DIXDC1: variants seen among roughly 807,000 people sequenced by gnomAD.
The protein encoded by DIXDC1 is DIX domain containing 1.
Under a neutral mutation model 103.1 loss-of-function variants are expected in DIXDC1, and 64 were observed. The observed-to-expected ratio is 0.62, with a 90% CI of 0.51 to 0.76. The LOEUF (loss-of-function observed/expected upper bound fraction) is 0.76, where lower values mean the gene tolerates loss of function less well. Among genes scored for constraint, DIXDC1 ranks in the 30% least tolerant of loss-of-function variants. DIXDC1 has a pLI of 0.00. For synonymous variants in DIXDC1, 266 were observed against 298.5 expected, an observed-to-expected ratio of 0.89 and a Z score of 1.12; for missense variants, 759 against 834.2, an observed-to-expected ratio of 0.91 and a Z score of 1.11.
chr11:111,946,804 G>C, intron 1 of DIXDC1: 1 of 470,194 alleles, frequency 2.1e-6, no homozygotes, highest in South Asian at 1.6e-5. Flanking sequence ...AAGGTAAACA[G>C]TTCTGTGAAC....
chr11:111,937,426 T>A lies in DIXDC1; in HGVS notation c.-74T>A, dbSNP rs1042585941. On this transcript the variant is annotated 5_prime_UTR_variant, in exon 1 of 20. Transcript: ENST00000440460. Reference sequence around the variant, plus strand: ...ATGAGCTGAGCCGAGAGCCTTTGTGTGCAGAGGGAGGAGGAGGAGGCGGCG... The same window carrying A: ...ATGAGCTGAGCCGAGAGCCTTTGTGAGCAGAGGGAGGAGGAGGAGGCGGCG... 18 of 1,540,696 alleles carry A rather than the reference T, an allele frequency of 1.2e-5. No homozygotes were observed. Among genetic ancestry groups the A allele is most frequent in the Non-Finnish European group, 1.4e-5 (16 of 1,142,974 alleles).
Position 111,977,760 on chromosome 11 carries a change from A to T in DIXDC1, c.656+2777A>T. The T allele has an allele frequency of 4.5e-6, 7 of 1,565,984 alleles. No homozygotes were observed. The highest frequency in any genetic ancestry group is 6.1e-6 in the Non-Finnish European group (7 of 1,155,782). ...ACGCAGGCTTGCTGAAGCCCGAGAC[A>T]GGAGGGGGACCATGGGAGGGACGCA... is the stretch of plus-strand genomic sequence containing the variant. On this transcript the variant is annotated intron_variant, in intron 5 of 19. Coordinates refer to ENST00000440460, the MANE Select transcript of DIXDC1 (RefSeq NM_001037954.4). The surrounding 1 kb of genome is among the most constrained non-coding windows in gnomAD (Gnocchi z 6.1).
At chr11:111,942,021 C>T (rs1592542633) in intron 1 of DIXDC1, among the ~76,000 whole-genome samples, 1 of 152,124 alleles carries the variant, frequency 6.6e-6, no homozygotes, top group Non-Finnish European at 1.5e-5. Flanking sequence ...TTAGAGGCTT[C>T]CAGACATTTT....
At chr11:111,992,908 C>T (rs1210536170) in intron 11 of DIXDC1, 43 bp from the exon 12 acceptor site, 15 of 1,573,222 alleles carry the variant, frequency 9.5e-6, no homozygotes, top group Non-Finnish European at 1.3e-5. Flanking sequence ...TGAGGGTTAG[C>T]AGGCAGTACC....
At chr11:111,946,226 A>G (rs1303367077) in intron 1 of DIXDC1, among the ~76,000 whole-genome samples, 2 of 151,040 alleles carry the variant, frequency 1.3e-5, no homozygotes, top group South Asian at 2.1e-4. Context: ...CTCCTGCCTC[A>G]GCCTCCCTAG....
intron 6 of DIXDC1, 153 bp from the exon 7 acceptor site, chr11:111,982,186 T>C: frequency 1.3e-6 from 1 of 763,656 alleles, no homozygotes; most frequent in Non-Finnish European, 2.0e-6. Flanking sequence ...TCTTTAGGCC[T>C]CACAACCCCA....
rs1409713463 is a variant in DIXDC1 at position 112,007,526 on chromosome 11, T to C, written c.1757-9165T>C. On this transcript the variant is annotated intron_variant, in intron 17 of 19. Transcript: ENST00000440460. ...ATTATCAGATTCACCAAGGTGGAAATGAAGGAAAAAATGTTAAGGGCAGCC... is the reference window on the plus strand; with the variant it reads ...ATTATCAGATTCACCAAGGTGGAAACGAAGGAAAAAATGTTAAGGGCAGCC... Among the ~76,000 whole-genome samples, 45 of 151,616 alleles carry C rather than the reference T, an allele frequency of 3.0e-4. 1 individual carries two copies.
chr11:111,927,592 C>A (rs935421265), intron 1 of DIXDC1, among the ~76,000 whole-genome samples: 58 of 152,138 alleles, frequency 3.8e-4, no homozygotes, highest in Non-Finnish European at 6.0e-4. Context: ...GGGTAACGCA[C>A]TCCCCTTTCT....
intron 1 of DIXDC1, among the ~76,000 whole-genome samples, 164 bp downstream of exon 1, chr11:111,937,723 A>G (rs1966263908): frequency 6.6e-6 from 1 of 152,220 alleles, no homozygotes; most frequent in Non-Finnish European, 1.5e-5. Context: ...AGATGGGTGA[A>G]CCAGGAGAAA....
At chr11:112,013,321 TGGGGGTGGGGTGG>T (rs1256581170) in intron 17 of DIXDC1, among the ~76,000 whole-genome samples, 6 of 35,710 alleles carry the variant, frequency 1.7e-4, no homozygotes, top group African/African-American at 5.9e-4. Context: ...GGTCGGGGGG[TGGGGGTGGGGTGG>T]GGGGGGGGAA....
intron 1 of DIXDC1, among the ~76,000 whole-genome samples, chr11:111,953,183 A>G (rs147600086): frequency 3.1e-3 from 471 of 152,328 alleles, no homozygotes; most frequent in African/African-American, 0.01. Flanking sequence ...GTTATTTTCC[A>G]TATAAACTGG....
intron 1 of DIXDC1, chr11:111,929,755 G>C (rs1185243447): frequency 9.0e-7 from 1 of 1,113,182 alleles, no homozygotes; most frequent in East Asian, 2.7e-5. Context: ...TCGGTTAGTT[G>C]AGCTTTAAAT....
chr11:111,967,708 G>C (rs1859784764), intron 2 of DIXDC1, among the ~76,000 whole-genome samples: 1 of 152,192 alleles, frequency 6.6e-6, no homozygotes, highest in Non-Finnish European at 1.5e-5. Flanking sequence ...CTAGGATTAC[G>C]GGCGCGGGCG....
rs1357478841 is a variant in DIXDC1 at position 112,022,130 on chromosome 11, C to A, written c.*3094C>A. ...TTAAACTTACTTGGTAATGGCACTTCTACTTACTGACCAACTTTTCAGCTC... is the reference window on the plus strand; with the variant it reads ...TTAAACTTACTTGGTAATGGCACTTATACTTACTGACCAACTTTTCAGCTC... On this transcript the variant is annotated 3_prime_UTR_variant, in exon 20 of 20. Coordinates refer to ENST00000440460, the MANE Select transcript of DIXDC1 (RefSeq NM_001037954.4). This position sits in a 1 kb window ranked among gnomAD's most constrained non-coding sequence, Gnocchi z 4.9. The A allele has an allele frequency of 6.6e-6, 1 of 152,134 alleles. No homozygotes were observed. The highest frequency in any genetic ancestry group is 1.5e-5 in the Non-Finnish European group (1 of 68,026). The allele number at this position is 152,134 out of a possible 1,614,324, so 9.4% of individuals were successfully genotyped here.
chr11:111,960,546 A>T (rs1859538882), intron 1 of DIXDC1, among the ~76,000 whole-genome samples: 1 of 151,350 alleles, frequency 6.6e-6, no homozygotes, highest in South Asian at 2.1e-4. Flanking sequence ...GTGAGCCGAG[A>T]TCATGCCACT....
At chr11:112,018,448 GTTA>G (rs1246248607) in intron 19 of DIXDC1, among the ~76,000 whole-genome samples, 8 of 152,142 alleles carry the variant, frequency 5.3e-5, no homozygotes, top group Admixed American at 1.3e-4. Flanking sequence ...AATGAAAAAA[GTTA>G]TTATAGAGAA....
Position 111,976,710 on chromosome 11 carries a change from G to A in DIXDC1, c.656+1727G>A, listed in dbSNP as rs1361386683. 1.3e-5 allele frequency among the ~76,000 whole-genome samples: 2 copies of A among 152,152 alleles called. No homozygotes were observed. The highest frequency in any genetic ancestry group is 2.9e-5 in the Non-Finnish European group (2 of 68,016). ...CGGGAGTGGCTCAGAAGGAAGGATAGCCCCTGGGTGTCTCATTCCCTGCCA... is the reference window on the plus strand; with the variant it reads ...CGGGAGTGGCTCAGAAGGAAGGATAACCCCTGGGTGTCTCATTCCCTGCCA... On this transcript the variant is annotated intron_variant, in intron 5 of 19. Coordinates refer to ENST00000440460, the MANE Select transcript of DIXDC1 (RefSeq NM_001037954.4). This position sits in a 1 kb window ranked among gnomAD's most constrained non-coding sequence, Gnocchi z 4.3.
At chr11:111,957,359 G>C (rs1172335918) in intron 1 of DIXDC1, among the ~76,000 whole-genome samples, 1 of 152,186 alleles carries the variant, frequency 6.6e-6, no homozygotes, top group Non-Finnish European at 1.5e-5. Context: ...GAAAAGTGAT[G>C]ATGAGAAAGA....
chr11:111,984,743 A>G (rs961849304), intron 7 of DIXDC1, among the ~76,000 whole-genome samples: 2 of 152,186 alleles, frequency 1.3e-5, no homozygotes, highest in Non-Finnish European at 2.9e-5. Context: ...CTTCTTGTTC[A>G]ATAGAGGTTG....
Sources: gnomAD v4.1 joint callset for allele counts (sites outside exome capture counted in the v4.1 genomes callset) on GRCh38, gnomAD v4.1.1 for gene constraint, Gnocchi (gnomAD v3.1) non-coding constraint, MANE v1.5 for transcripts, NCBI Gene and HGNC (gene_info 2026-07-23, HGNC 2026-07-21) for gene names.